The following CNTN5 variants were observed in gnomAD, a reference collection of about 807,000 sequenced individuals.
CNTN5 encodes the protein contactin 5.
CNTN5 carries 77 observed loss-of-function variants against 129.1 expected under a neutral mutation model. The ratio of observed to expected loss-of-function variants is 0.60; its 90% CI spans 0.50 to 0.72. CNTN5 has a LOEUF of 0.72. CNTN5 is among the 30% of genes least tolerant of loss of function. The pLI is 0.00. For synonymous variants in CNTN5, 509 were observed against 465.6 expected (o/e 1.09, Z -1.20); for missense variants, 1,478 against 1,328.8 (o/e 1.11, Z -1.75).
intron 2 of CNTN5, among the ~76,000 whole-genome samples, chr11:99,436,922 G>T (rs1943622247): frequency 6.6e-6 from 1 of 152,064 alleles, no homozygotes; most frequent in African/African-American, 2.4e-5. Flanking sequence ...CTCCCTAAAA[G>T]GTTTTCTCTA....
chr11:99,356,719 T>G (rs750329585), intron 2 of CNTN5, among the ~76,000 whole-genome samples: 81 of 152,288 alleles, frequency 5.3e-4, no homozygotes, highest in Non-Finnish European at 9.4e-4. Context: ...AAAATCACAT[T>G]TGATGAATGT....
chr11:99,416,400 C>T (rs892010717), intron 2 of CNTN5, among the ~76,000 whole-genome samples: 1 of 151,996 alleles, frequency 6.6e-6, no homozygotes, highest in Non-Finnish European at 1.5e-5. Flanking sequence ...CCTGCCATAG[C>T]CTCCCCAGTA....
At position 99,677,748 on chromosome 11, in the gene CNTN5, G is replaced by T. The variant is rs527881873; in HGVS notation, c.55+121479G>T. Reference sequence around the variant, plus strand: ...TTTTCCAGAAATGGGATGGGTTGGTGATTACAGTATAAATACGTGTATGTA... The same window carrying T: ...TTTTCCAGAAATGGGATGGGTTGGTTATTACAGTATAAATACGTGTATGTA... On this transcript the variant is annotated intron_variant, in intron 3 of 24. Transcript: ENST00000524871. Among the ~76,000 whole-genome samples the T allele has an allele frequency of 6.6e-5, 10 of 152,170 alleles. No individual in the cohort carries two copies. The South Asian group carries it at 2.1e-3, about 32-fold the overall frequency.
chr11:99,642,954 A>G (rs1035223280), intron 3 of CNTN5, among the ~76,000 whole-genome samples: 18 of 152,168 alleles, frequency 1.2e-4, no homozygotes, highest in Non-Finnish European at 1.9e-4. Flanking sequence ...ATCGTATTCC[A>G]TTGTGTATGT....
Position 99,234,057 on chromosome 11 carries a change from G to C in CNTN5, c.-209-91289G>C, listed in dbSNP as rs145893183. On this transcript the variant is annotated intron_variant, in intron 1 of 24. Coordinates refer to ENST00000524871, the MANE Select transcript of CNTN5 (RefSeq NM_014361.4). Reference sequence around the variant, plus strand: ...AACACATAGAAATGGAAACTATAAAGAGAATTGCATTGCAAATCCTGACAC... The same window carrying C: ...AACACATAGAAATGGAAACTATAAACAGAATTGCATTGCAAATCCTGACAC... Among the ~76,000 whole-genome samples the C allele has an allele frequency of 4.7e-3, 710 of 152,290 alleles. 4 individuals carry two copies. Among genetic ancestry groups the C allele is most frequent in the Non-Finnish European group, 7.8e-3 (529 of 68,016 alleles).
chr11:99,981,765 T>G (rs1938362377), intron 8 of CNTN5, among the ~76,000 whole-genome samples: 1 of 152,212 alleles, frequency 6.6e-6, no homozygotes, highest in Non-Finnish European at 1.5e-5. Context: ...GTCATCATTC[T>G]ATGCCATAAG....
chr11:100,071,684 A>AT (rs1009146780), intron 11 of CNTN5, 21 bp from the exon 12 acceptor site: 19 of 1,528,994 alleles, frequency 1.2e-5, no homozygotes, highest in East Asian at 2.3e-5. Flanking sequence ...TCTAGATCTA[A>AT]TTTTTTTAAT....
chr11:100,167,094 CA>C (rs778058208), intron 13 of CNTN5, among the ~76,000 whole-genome samples: 1 of 151,568 alleles, frequency 6.6e-6, no homozygotes, highest in Non-Finnish European at 1.5e-5. Context: ...ATGTCATTTC[CA>C]ACCCTTTTAA....
chr11:99,868,651 A>G (rs1463229417), intron 6 of CNTN5, among the ~76,000 whole-genome samples: 1 of 152,206 alleles, frequency 6.6e-6, no homozygotes, highest in African/African-American at 2.4e-5. Flanking sequence ...ATATGCTGAA[A>G]GAGGCGAAAA....
intron 9 of CNTN5, among the ~76,000 whole-genome samples, chr11:100,010,925 G>GT (rs1940489095): frequency 6.6e-6 from 1 of 151,984 alleles, no homozygotes; most frequent in Non-Finnish European, 1.5e-5. Flanking sequence ...TTACCTTTCA[G>GT]TGTGACCACC....
chr11:99,632,323 A>T (rs554087251), intron 3 of CNTN5, among the ~76,000 whole-genome samples: 1 of 152,270 alleles, frequency 6.6e-6, no homozygotes, highest in Non-Finnish European at 1.5e-5. Context: ...AAGTATCTTT[A>T]TAGCTTTTCT....
chr11:99,445,871 G>A (rs1454465643), intron 2 of CNTN5, among the ~76,000 whole-genome samples: 1 of 151,928 alleles, frequency 6.6e-6, no homozygotes, highest in East Asian at 1.9e-4. Flanking sequence ...ATCACCTGAG[G>A]TCAGGAGTTC....
At chr11:99,443,266 T>C (rs1321905747) in intron 2 of CNTN5, among the ~76,000 whole-genome samples, 1 of 152,230 alleles carries the variant, frequency 6.6e-6, no homozygotes, top group African/African-American at 2.4e-5. Context: ...CAGGTGGATC[T>C]GAATTACAAG....
At chr11:99,557,865 C>A (rs1232651802) in intron 3 of CNTN5, among the ~76,000 whole-genome samples, 1 of 151,464 alleles carries the variant, frequency 6.6e-6, no homozygotes, top group Non-Finnish European at 1.5e-5. Context: ...TGCAGCATAC[C>A]TGCACTCATC....
chr11:99,923,895 C>T (rs1476928915), intron 7 of CNTN5, among the ~76,000 whole-genome samples: 1 of 152,104 alleles, frequency 6.6e-6, no homozygotes, highest in Non-Finnish European at 1.5e-5. Context: ...TCAAGCGATT[C>T]CCCTGCCTCA....
intron 3 of CNTN5, among the ~76,000 whole-genome samples, chr11:99,724,708 A>C (rs934210057): frequency 4.6e-5 from 7 of 152,172 alleles, no homozygotes; most frequent in Non-Finnish European, 1.0e-4. Context: ...CGGTAAATGC[A>C]CCATAAATAT....
chr11:100,203,261 G>A (rs991385164), intron 15 of CNTN5, among the ~76,000 whole-genome samples: 1 of 151,944 alleles, frequency 6.6e-6, no homozygotes, highest in African/African-American at 2.4e-5. Context: ...TCTTCTGGCT[G>A]CTGCAATTGT....
At chr11:99,637,299 A>T (rs1286229650) in intron 3 of CNTN5, among the ~76,000 whole-genome samples, 1 of 152,102 alleles carries the variant, frequency 6.6e-6, no homozygotes, top group African/African-American at 2.4e-5. Flanking sequence ...TAGCATATAA[A>T]TGAATAAAGT....
intron 3 of CNTN5, among the ~76,000 whole-genome samples, chr11:99,635,004 T>C (rs533073318): frequency 1.3e-5 from 2 of 152,296 alleles, no homozygotes; most frequent in South Asian, 4.1e-4. Flanking sequence ...TATACTAATA[T>C]CTGTATACAT....
Sources: allele counts gnomAD v4.1 joint callset (sites outside exome capture counted in the v4.1 genomes callset), GRCh38; gene constraint gnomAD v4.1.1; transcripts MANE v1.5; gene names NCBI Gene and HGNC (gene_info 2026-07-23, HGNC 2026-07-21).